The following SLC41A3 variants were observed in gnomAD, a reference collection of about 807,000 sequenced individuals.
SLC41A3 encodes the protein SLC41A1-like 2.
A neutral mutation model predicts 45.4 loss-of-function variants in SLC41A3; 44 were observed. The ratio of observed to expected loss-of-function variants is 0.97; its 90% CI spans 0.76 to 1.25. The LOEUF (loss-of-function observed/expected upper bound fraction) is 1.25, where lower values mean the gene tolerates loss of function less well. Among genes scored for constraint, SLC41A3 ranks in the 50% most tolerant of loss-of-function variants. The pLI is 0.00. For synonymous variants in SLC41A3, 256 were observed against 252.4 expected (o/e 1.01, Z -0.13); for missense variants, 550 against 600.6 (o/e 0.92, Z 0.88).
At chr3:126,068,268 T>G (rs1394654196) in intron 1 of SLC41A3, 22 bp from the exon 2 acceptor site, 1 of 1,474,416 alleles carries the variant, frequency 6.8e-7, no homozygotes, top group South Asian at 1.5e-5. Flanking sequence ...GACACAAAGT[T>G]GTAGGGCCAA....
intron 1 of SLC41A3, among the ~76,000 whole-genome samples, chr3:126,080,029 G>C (rs1576371875): frequency 1.3e-5 from 2 of 152,098 alleles, no homozygotes; most frequent in East Asian, 3.9e-4. Flanking sequence ...ACAGAAGAAT[G>C]AAACTAGACC....
chr3:126,095,181 C>T lies in SLC41A3; in HGVS notation c.-79+6248G>A, dbSNP rs898803734. The T allele has an allele frequency of 2.2e-5, 15 of 686,644 alleles. No individual in the cohort carries two copies. The African/African-American group carries it at 2.5e-4, about 11-fold the overall frequency. The allele number at this position is 686,644 out of a possible 1,614,324, so 42.5% of individuals were successfully genotyped here. A position where few individuals can be genotyped will look rare whatever the true frequency, so the allele number is the denominator to read the frequency against. On this transcript the variant is annotated intron_variant, in intron 1 of 9. Transcript: ENST00000508835. ...CTTGGGGTAGAGGTTATGCTTATGT[C>T]TCTCCAGGCCAAAATCAACAGCCGA...
At chr3:126,017,587 G>C (rs1363142741) in intron 6 of SLC41A3, among the ~76,000 whole-genome samples, 1 of 152,198 alleles carries the variant, frequency 6.6e-6, no homozygotes, top group Non-Finnish European at 1.5e-5. Flanking sequence ...TCTGTGTTGT[G>C]CTCCGTGTGA....
At chr3:126,059,091 C>T (rs747847005) in intron 2 of SLC41A3, among the ~76,000 whole-genome samples, 1 of 151,446 alleles carries the variant, frequency 6.6e-6, no homozygotes, top group African/African-American at 2.4e-5. Context: ...GAGCCCTTCT[C>T]ACTGCTGCAA....
chr3:126,013,478 A>G (rs1479015652), intron 8 of SLC41A3, among the ~76,000 whole-genome samples: 1 of 151,786 alleles, frequency 6.6e-6, no homozygotes, highest in Non-Finnish European at 1.5e-5. Context: ...CAGGAGAATC[A>G]CTTGAACCCA....
intron 3 of SLC41A3, among the ~76,000 whole-genome samples, chr3:126,044,563 A>T (rs1276822680): frequency 6.6e-6 from 1 of 152,230 alleles, no homozygotes; most frequent in Non-Finnish European, 1.5e-5. Context: ...ATCGTATATT[A>T]GGCCATGAAA....
At position 126,008,768 on chromosome 3, in the gene SLC41A3, G is replaced by A. The variant is rs1939399023; in HGVS notation, c.1218C>T (p.Thr406=). The A allele has an allele frequency of 1.9e-6, 3 of 1,613,964 alleles. No individual in the cohort carries two copies. The highest frequency in any genetic ancestry group is 1.3e-5 in the African/African-American group (1 of 74,926). The change falls in exon 10 of 11, where the codon ACC becomes ACT. Residue 406 remains threonine (T), a synonymous_variant. Transcript: ENST00000360370. ...VEGQSVINSQ[T]FVVLYLLAGL... is the part of the protein sequence containing the mutation. ...CTGCCAGCAGGTAGAGCACCACAAA[G>A]GTCTGGCTGTTTATGACTGACTGAC...
chr3:126,064,495 T>C (rs1197769422), intron 2 of SLC41A3, among the ~76,000 whole-genome samples: 1 of 152,010 alleles, frequency 6.6e-6, no homozygotes, highest in Non-Finnish European at 1.5e-5. Context: ...GACTAACAAA[T>C]TGCCGTGGTC....
chr3:126,016,703 A>AG, intron 7 of SLC41A3, 28 bp downstream of exon 7: 2 of 1,590,616 alleles, frequency 1.3e-6, no homozygotes, highest in Non-Finnish European at 1.7e-6. Context: ...GAGGAGGAAG[A>AG]GGGGCCGTGG....
At chr3:126,019,052 G>C (rs536911807) in intron 6 of SLC41A3, among the ~76,000 whole-genome samples, 1 of 152,134 alleles carries the variant, frequency 6.6e-6, no homozygotes, top group Non-Finnish European at 1.5e-5. Flanking sequence ...TAAAGAAAAC[G>C]AATTTGTTCT....
intron 1 of SLC41A3, among the ~76,000 whole-genome samples, chr3:126,091,307 G>A (rs1174665657): frequency 5.9e-5 from 9 of 152,172 alleles, no homozygotes; most frequent in South Asian, 2.1e-4. Flanking sequence ...TCCTGAGAAC[G>A]TGTGCCTTAG....
At chr3:126,084,886 G>C (rs949485041), upstream of SLC41A3, among the ~76,000 whole-genome samples, 10 of 152,226 alleles carry the variant, frequency 6.6e-5, no homozygotes, top group Admixed American at 5.9e-4. Context: ...GCCATAAGGG[G>C]AAGTGGAGGC....
intron 6 of SLC41A3, among the ~76,000 whole-genome samples, 182 bp from the exon 7 acceptor site, chr3:126,017,057 C>T (rs1367076407): frequency 6.6e-6 from 1 of 152,172 alleles, no homozygotes; most frequent in Non-Finnish European, 1.5e-5. Flanking sequence ...GGAAAAGCTC[C>T]TCTCTGTCCT....
intron 1 of SLC41A3, among the ~76,000 whole-genome samples, chr3:126,099,936 G>A (rs1044033793): frequency 1.3e-5 from 2 of 152,114 alleles, no homozygotes; most frequent in Non-Finnish European, 1.5e-5. Flanking sequence ...AGGGAATAGC[G>A]GCCTTTGTGG....
In SLC41A3 at chr3:126,006,780, G is replaced by A. The variant is rs1292952107; in HGVS notation, c.*236C>T. The A allele has an allele frequency of 6.2e-6, 9 of 1,443,104 alleles. No individual in the cohort carries two copies. The highest frequency in any genetic ancestry group is 8.1e-6 in the Non-Finnish European group (9 of 1,104,782). The allele number at this position is 1,443,104 out of a possible 1,614,324, so 89.4% of individuals were successfully genotyped here. On this transcript the variant is annotated 3_prime_UTR_variant, in exon 11 of 11. Coordinates refer to ENST00000360370, the MANE Select transcript of SLC41A3 (RefSeq NM_017836.4). ...GCACACTTGCACGCTCATTAAGCAT[G>A]TGCACACATCATATTCACACACTCA...
chr3:126,039,459 T>C (rs925928684), intron 3 of SLC41A3, among the ~76,000 whole-genome samples: 3 of 152,232 alleles, frequency 2.0e-5, no homozygotes, highest in African/African-American at 7.2e-5. Context: ...TTGTGCATTT[T>C]GAGGTAGAAG....
At chr3:126,023,322 T>C (rs1390405812) in intron 5 of SLC41A3, 4 of 165,834 alleles carry the variant, frequency 2.4e-5, no homozygotes, top group Non-Finnish European at 1.3e-5. Context: ...GGTGAGCTCA[T>C]GGCCTCCTGT....
chr3:126,059,303 A>AGAGAGAGAGAGAGAAAG (rs1943917414), intron 2 of SLC41A3, among the ~76,000 whole-genome samples: 1 of 114,660 alleles, frequency 8.7e-6, no homozygotes, highest in Non-Finnish European at 1.9e-5. Context: ...AGAAAGAAAG[A>AGAGAGAGAGAGAGAAAG]AAGAAAGGAA....
chr3:126,087,510 C>A (rs1411110613), upstream of SLC41A3, among the ~76,000 whole-genome samples: 2 of 151,662 alleles, frequency 1.3e-5, no homozygotes. Flanking sequence ...TGGTAAATAT[C>A]TTTTTCTAAT....
Sources: gnomAD v4.1 joint callset for allele counts (sites outside exome capture counted in the v4.1 genomes callset) on GRCh38, gnomAD v4.1.1 for gene constraint, MANE v1.5 for transcripts, NCBI Gene and HGNC (gene_info 2026-07-23, HGNC 2026-07-21) for gene names.